The following COL21A1 variants were observed in gnomAD, a reference collection of about 807,000 sequenced individuals.
The protein encoded by COL21A1 is collagen alpha-1(XXI) chain.
In COL21A1, 149 loss-of-function variants were observed where a neutral mutation model predicts 137.9. The ratio of observed to expected loss-of-function variants is 1.08; its 90% confidence interval spans 0.95 to 1.24. The LOEUF (loss-of-function observed/expected upper bound fraction) is 1.24, where lower values mean the gene tolerates loss of function less well. COL21A1 is among the 50% of genes most tolerant of loss of function. The pLI is 0.00. For synonymous variants in COL21A1, 456 were observed against 391.5 expected (o/e 1.16, Z -1.95); for missense variants, 1,167 against 1,158.4 (o/e 1.01, Z -0.11).
chr6:56,066,891 G>T (rs991611797), intron 23 of COL21A1, among the ~76,000 whole-genome samples: 1 of 150,502 alleles, frequency 6.6e-6, no homozygotes, highest in African/African-American at 2.4e-5. Context: ...TTATATTTAG[G>T]GTTAAAGGTT....
intron 16 of COL21A1, 59 bp from the exon 17 acceptor site, chr6:56,101,584 A>G: frequency 9.3e-7 from 1 of 1,078,912 alleles, no homozygotes; most frequent in Non-Finnish European, 1.4e-6. Context: ...GCTTACCAAA[A>G]TAACAATATA....
At chr6:56,238,738 G>C (rs1782074113) in intron 1 of COL21A1, among the ~76,000 whole-genome samples, 1 of 152,056 alleles carries the variant, frequency 6.6e-6, no homozygotes, top group African/African-American at 2.4e-5. Context: ...CTAAAATCTG[G>C]ATTTGCCTCT....
chr6:56,060,736 C>T lies in COL21A1; in HGVS notation c.2407+5G>A. 6.3e-7 allele frequency: 1 copy of T among 1,595,898 alleles called. No individual in the cohort carries two copies. Among genetic ancestry groups the T allele is most frequent in the Non-Finnish European group, 8.5e-7 (1 of 1,174,196 alleles). On this transcript the variant is annotated splice_donor_5th_base_variant and intron_variant, in intron 27 of 29. Transcript: ENST00000244728. ...AGTTATTAAAATGCTATATTTGATA[C>T]CTACCTCTTATTACATCTGTGCAAA...
chr6:56,352,050 T>C (rs55953399), intron 1 of COL21A1, among the ~76,000 whole-genome samples: 4,855 of 152,190 alleles, frequency 0.032, 124 homozygotes, highest in Non-Finnish European at 0.051. Flanking sequence ...AGAAAGATCA[T>C]TGGAGCTCAG....
intron 1 of COL21A1, among the ~76,000 whole-genome samples, chr6:56,286,325 G>A (rs1413941087): frequency 2.0e-5 from 3 of 152,118 alleles, no homozygotes; most frequent in Non-Finnish European, 4.4e-5. Flanking sequence ...AAACACATGT[G>A]AACACACTCA....
At chr6:56,214,953 G>A (rs1189782120) in intron 1 of COL21A1, among the ~76,000 whole-genome samples, 3 of 152,028 alleles carry the variant, frequency 2.0e-5, no homozygotes, top group African/African-American at 7.2e-5. Flanking sequence ...TAGCTGAACA[G>A]TCAACTTTAA....
At chr6:56,379,108 G>A (rs945979842) in intron 1 of COL21A1, among the ~76,000 whole-genome samples, 6 of 152,082 alleles carry the variant, frequency 3.9e-5, no homozygotes, top group Non-Finnish European at 7.4e-5. Context: ...CAAGAAGGGC[G>A]GGTACAAACA....
At chr6:56,353,513 AC>A (rs144638431) in intron 1 of COL21A1, among the ~76,000 whole-genome samples, 34 of 152,208 alleles carry the variant, frequency 2.2e-4, no homozygotes, top group African/African-American at 7.5e-4. Context: ...CACATGAGAG[AC>A]CCTGAATGGG....
rs1329707706 is a variant in COL21A1, at chr6:56,260,872, GTGTGTA to G, written c.-38-78222_-38-78217del. Among the ~76,000 whole-genome samples the G allele has an allele frequency of 8.6e-4, 121 of 141,170 alleles. No individual in the cohort carries two copies. The South Asian group carries it at 0.017, about 19-fold the overall frequency. The allele number at this position is 141,170 out of a possible 152,430, so 92.6% of individuals were successfully genotyped here. ...ACTGTGTGTGTGTGTGTGTGTGTGTGTGTGTATGTGTGTGTGTGTGTACCTTTTATA... is the reference window on the plus strand; with the variant it reads ...ACTGTGTGTGTGTGTGTGTGTGTGTGTGTGTGTGTGTGTGTACCTTTTATA... On this transcript the variant is annotated intron_variant, in intron 1 of 28. Coordinates refer to the COL21A1 transcript ENST00000370819.
intron 1 of COL21A1, among the ~76,000 whole-genome samples, chr6:56,375,405 A>G (rs749515603): frequency 1.3e-5 from 2 of 152,168 alleles, no homozygotes; most frequent in African/African-American, 4.8e-5. Flanking sequence ...TGGAAGAAGG[A>G]TAGGAGGAAA....
intron 1 of COL21A1, among the ~76,000 whole-genome samples, chr6:56,200,269 A>G (rs1174023012): frequency 2.0e-5 from 3 of 152,150 alleles, no homozygotes; most frequent in Non-Finnish European, 4.4e-5. Flanking sequence ...AAGTGTGTCT[A>G]TTAAAGGGTT....
At chr6:56,128,491 T>G (rs530838156) in intron 12 of COL21A1, among the ~76,000 whole-genome samples, 15 of 152,190 alleles carry the variant, frequency 9.9e-5, no homozygotes, top group Non-Finnish European at 7.3e-5. Flanking sequence ...GGTCTGGCTG[T>G]GCCATTTCAT....
chr6:56,316,666 G>A (rs71564836), intron 1 of COL21A1, among the ~76,000 whole-genome samples: 1 of 151,584 alleles, frequency 6.6e-6, no homozygotes, highest in East Asian at 1.9e-4. Context: ...ATTTTTAGTA[G>A]AGATGAGGTT....
chr6:56,257,330 A>G (rs1378058339), intron 1 of COL21A1, among the ~76,000 whole-genome samples: 3 of 152,170 alleles, frequency 2.0e-5, no homozygotes, highest in Non-Finnish European at 4.4e-5. Context: ...ACTTAGTTTG[A>G]GCTTTTTGGA....
In COL21A1 at chr6:56,060,085, C is replaced by A. The variant is rs774578418; in HGVS notation, c.2541G>T (p.Leu847Phe). The A allele has an allele frequency of 1.2e-6, 2 of 1,610,536 alleles. No homozygotes were observed. The highest frequency in any genetic ancestry group is 2.2e-5 in the East Asian group (1 of 44,654). Residue 847 changes from leucine to phenylalanine, a missense_variant, in exon 28 of 30, where the codon TTG becomes TTT. Leu to Phe is a conservative substitution (Grantham distance 22). Transcript: ENST00000244728. ...ATCCAGGAACACCATCTCTTCCTGG[C>A]AAACCAGGTAATCCTCTGGGACCCT... ...GPEGPRGLPGLPGRDGVPGLV... is the reference protein window; with the variant it reads ...GPEGPRGLPGFPGRDGVPGLV...
chr6:56,192,358 A>T (rs1778744147), intron 1 of COL21A1, among the ~76,000 whole-genome samples: 1 of 152,196 alleles, frequency 6.6e-6, no homozygotes, highest in Non-Finnish European at 1.5e-5. Context: ...ATGGGATCTA[A>T]TTAAACTAAA....
At chr6:56,095,096 T>G (rs2114223285) in intron 17 of COL21A1, among the ~76,000 whole-genome samples, 1 of 152,314 alleles carries the variant, frequency 6.6e-6, no homozygotes. Context: ...GACCCACAAC[T>G]TTTTATTGAA....
chr6:56,133,554 A>C (rs62413466), intron 12 of COL21A1, among the ~76,000 whole-genome samples: 10,923 of 152,310 alleles, frequency 0.072, 437 homozygotes, highest in Middle Eastern at 0.12. Context: ...AGGAATTTGC[A>C]TAAGTAACAA....
chr6:56,146,785 C>T (rs1332181752), intron 10 of COL21A1, among the ~76,000 whole-genome samples: 3 of 151,996 alleles, frequency 2.0e-5, no homozygotes, highest in Non-Finnish European at 2.9e-5. Context: ...CTGCACAGCT[C>T]GTGGGTCTTA....
Sources: gnomAD v4.1 joint callset for allele counts (sites outside exome capture counted in the v4.1 genomes callset) on GRCh38, gnomAD v4.1.1 for gene constraint, MANE v1.5 for transcripts, NCBI Gene and HGNC (gene_info 2026-07-23, HGNC 2026-07-21) for gene names.